Variants in CAMSAP3 observed in about 807,000 individuals in gnomAD.
The protein encoded by CAMSAP3 is calmodulin regulated spectrin associated protein family member 3, also known as calmodulin-regulated spectrin-associated protein 3.
A neutral mutation model predicts 112.5 loss-of-function variants in CAMSAP3; 34 were observed. That is an observed-to-expected ratio of 0.30 (90% confidence interval 0.23 to 0.40). The LOEUF (loss-of-function observed/expected upper bound fraction) is 0.40. CAMSAP3 is among the 10% of genes least tolerant of loss of function. The pLI is 1.00. For missense variants in CAMSAP3, 1,602 were observed against 1,770.3 expected (o/e 0.90, Z 1.71); for synonymous variants, 868 against 799.8 (o/e 1.09, Z -1.44).
chr19:7,595,898 G>GGCAGCGGCGGTAGCA lies in CAMSAP3; in HGVS notation c.-97_-83dup. On this transcript the variant is annotated 5_prime_UTR_variant, in exon 1 of 17. Coordinates refer to ENST00000160298, the MANE Select transcript of CAMSAP3 (RefSeq NM_020902.2). ...CAGCAGCGGCGGCGGCGGCGGCGGC[G>GGCAGCGGCGGTAGCA]GCAGCGGCGGTAGCAGCAGCGGGCC... The GGCAGCGGCGGTAGCA allele has an allele frequency of 2.3e-6, 1 of 433,754 alleles. No individual in the cohort carries two copies. The highest frequency in any genetic ancestry group is 3.0e-6 in the Non-Finnish European group (1 of 330,164). The allele number at this position is 433,754 out of a possible 1,614,324, so 26.9% of individuals were successfully genotyped here.
chr19:7,612,549 C>T lies in CAMSAP3; in HGVS notation c.2056C>T (p.Pro686Ser). 1 of 1,536,256 alleles carries T rather than the reference C, an allele frequency of 6.5e-7. No individual in the cohort carries two copies. Among genetic ancestry groups the T allele is most frequent in the Non-Finnish European group, 8.7e-7 (1 of 1,145,616 alleles). Residue 686 changes from proline (P) to serine (S), a missense_variant, in exon 11 of 17, where the codon CCA becomes TCA. By Grantham distance (74) the Pro-to-Ser change is moderately conservative. Around this residue, in one of 6 missense-constraint regions of CAMSAP3, gnomAD observed 1,100 missense variants for 1,135.7 expected, o/e 0.97. Coordinates refer to ENST00000160298, the MANE Select transcript of CAMSAP3 (RefSeq NM_020902.2). ...TSRPKAVTFSPDLGPVPHEGL... is the reference protein window; with the variant it reads ...TSRPKAVTFSSDLGPVPHEGL... ...ACGGCCCAAGGCAGTGACCTTCTCG[C>T]CAGACCTGGGCCCGGTGCCCCACGA...
intron 1 of CAMSAP3, among the ~76,000 whole-genome samples, chr19:7,598,069 G>A (rs1215525621): frequency 6.6e-6 from 1 of 152,174 alleles, no homozygotes; most frequent in Non-Finnish European, 1.5e-5. Context: ...GCTGGGCTGG[G>A]CGCTCAGGGT....
intron 1 of CAMSAP3, among the ~76,000 whole-genome samples, chr19:7,597,503 A>G (rs1251672067): frequency 6.6e-6 from 1 of 152,156 alleles, no homozygotes; most frequent in East Asian, 1.9e-4. Context: ...TTCCCCTTCT[A>G]TAAAAGAAGG....
chr19:7,605,834 C>T (rs2030186572), intron 2 of CAMSAP3, among the ~76,000 whole-genome samples: 1 of 150,978 alleles, frequency 6.6e-6, no homozygotes, highest in Non-Finnish European at 1.5e-5. Flanking sequence ...GTCCCTTAAG[C>T]TCTGTCCATC....
intron 11 of CAMSAP3, among the ~76,000 whole-genome samples, chr19:7,614,259 C>CAA (rs1173068955): frequency 0.13 from 2,396 of 18,794 alleles, 380 homozygotes; most frequent in Non-Finnish European, 0.16. Flanking sequence ...GACTCCATCT[C>CAA]AAAAAAAAAA....
rs1223949265 is a variant in CAMSAP3 at position 7,611,326 on chromosome 19, G to A, written c.1123+158G>A. On this transcript the variant is annotated intron_variant, in intron 9 of 16. Coordinates refer to ENST00000160298, the MANE Select transcript of CAMSAP3 (RefSeq NM_020902.2). This position sits in a 1 kb window ranked among gnomAD's most constrained non-coding sequence, Gnocchi z 6.9. Reference sequence around the variant, plus strand: ...GACCCCCAGAATGGCCTCCCCAGTGGCCCCACAGTACCCCGTAGTGACAGT... The same window carrying A: ...GACCCCCAGAATGGCCTCCCCAGTGACCCCACAGTACCCCGTAGTGACAGT... 6.6e-6 allele frequency among the ~76,000 whole-genome samples: 1 copy of A among 152,146 alleles called. No homozygotes were observed. The highest frequency in any genetic ancestry group is 2.4e-5 in the African/African-American group (1 of 41,434).
chr19:7,612,679 C>T lies in CAMSAP3; in HGVS notation c.2186C>T (p.Ala729Val). The T allele has an allele frequency of 6.6e-7, 1 of 1,512,130 alleles. No individual in the cohort carries two copies. Among genetic ancestry groups the T allele is most frequent in the Non-Finnish European group, 8.8e-7 (1 of 1,132,554 alleles). 93.7% of individuals were successfully genotyped at this position (1,512,130 alleles called of 1,614,324 possible). ...RLTDQQQRLL[A>V]PPEAPGSAPP... ...ACGGACCAGCAGCAGCGGCTCCTGG[C>T]CCCGCCCGAGGCCCCCGGATCCGCC... The change falls in exon 11 of 17, where the codon GCC (alanine) becomes GTC (valine). Residue 729 changes from alanine (A) to valine (V), a missense_variant. Around this residue, in one of 6 missense-constraint regions of CAMSAP3, gnomAD observed 1,100 missense variants for 1,135.7 expected, o/e 0.97. Transcript: ENST00000160298.
intron 1 of CAMSAP3, among the ~76,000 whole-genome samples, chr19:7,602,415 G>A (rs1328052025): frequency 6.6e-6 from 1 of 152,146 alleles, no homozygotes; most frequent in South Asian, 2.1e-4. Context: ...CATCTTAAAG[G>A]CCCTGAAAAG....
rs534425335 is a variant in CAMSAP3, at chr19:7,610,418, C to T, written c.761-58C>T. 105 of 1,541,778 alleles carry T rather than the reference C, an allele frequency of 6.8e-5. No individual in the cohort carries two copies. Among genetic ancestry groups the T allele is most frequent in the Admixed American group, 1.1e-4 (6 of 52,974 alleles). Reference sequence around the variant, plus strand: ...TGGGGGACTGCTGGTCCCTGGCTTCCCTGGGGCCCCATCCTCCTCCTCATA... The same window carrying T: ...TGGGGGACTGCTGGTCCCTGGCTTCTCTGGGGCCCCATCCTCCTCCTCATA... On this transcript the variant is annotated intron_variant, in intron 5 of 16. Transcript: ENST00000160298. This position sits in a 1 kb window ranked among gnomAD's most constrained non-coding sequence, Gnocchi z 4.9.
intron 5 of CAMSAP3, among the ~76,000 whole-genome samples, chr19:7,609,295 G>T (rs192426260): frequency 6.8e-6 from 1 of 146,448 alleles, no homozygotes; most frequent in East Asian, 2.0e-4. Flanking sequence ...TCTAGCCTGG[G>T]CAACAGAGCG....
At position 7,606,502 on chromosome 19, in the gene CAMSAP3, C is replaced by A; in HGVS notation, c.552C>A (p.Thr184=). ...CCGTCCGGCGGCTGCAGGAGAAGAC[C>A]GAGCAGGAAGCGGCCCAGCGAGCCT... ...DTTVRRLQEK[T]EQEAAQRASP... The change falls in exon 4 of 17, where the codon ACC becomes ACA. Residue 184 remains threonine (T), a synonymous_variant. Coordinates refer to ENST00000160298, the MANE Select transcript of CAMSAP3 (RefSeq NM_020902.2). 1 of 1,569,920 alleles carries A rather than the reference C, an allele frequency of 6.4e-7. No homozygotes were observed. The highest frequency in any genetic ancestry group is 8.6e-7 in the Non-Finnish European group (1 of 1,165,906).
In CAMSAP3 at chr19:7,605,216, G is replaced by A; in HGVS notation, c.149-10G>A. 1 of 1,488,874 alleles carries A rather than the reference G, an allele frequency of 6.7e-7. No homozygotes were observed. Among genetic ancestry groups the A allele is most frequent in the Non-Finnish European group, 9.0e-7 (1 of 1,113,528 alleles). The allele number at this position is 1,488,874 out of a possible 1,614,324, so 92.2% of individuals were successfully genotyped here. A position where few individuals can be genotyped will look rare whatever the true frequency, so the allele number is the denominator to read the frequency against. ...CCTGACCCCCGTGTTTCCCCTCTAT[G>A]CCCCCACAGAGCACGTGCCCCCGGA... is the stretch of plus-strand genomic sequence containing the variant. On this transcript the variant is annotated splice_polypyrimidine_tract_variant and intron_variant, in intron 1 of 16. Coordinates refer to ENST00000160298, the MANE Select transcript of CAMSAP3 (RefSeq NM_020902.2).
rs1478983482 is a variant in CAMSAP3 at position 7,615,939 on chromosome 19, C to T, written c.3112+220C>T. On this transcript the variant is annotated intron_variant, in intron 13 of 16. Coordinates refer to ENST00000160298, the MANE Select transcript of CAMSAP3 (RefSeq NM_020902.2). This position sits in a 1 kb window ranked among gnomAD's most constrained non-coding sequence, Gnocchi z 6.5. ...GCGCGGTGGCTCACGCCTGTAATCC[C>T]AGCACTTTGGGAGGCTGAGGCGGGC... 2.0e-5 allele frequency among the ~76,000 whole-genome samples: 3 copies of T among 152,156 alleles called. No individual in the cohort carries two copies. Among genetic ancestry groups the T allele is most frequent in the Admixed American group, 6.5e-5 (1 of 15,288 alleles).
Position 7,615,220 on chromosome 19 carries a change from G to A in CAMSAP3, c.2708G>A (p.Arg903Gln), listed in dbSNP as rs2030712835. The A allele has an allele frequency of 1.0e-5, 16 of 1,552,608 alleles. No homozygotes were observed. Among genetic ancestry groups the A allele is most frequent in the Admixed American group, 1.9e-5 (1 of 51,304 alleles). Reference protein sequence around the residue: ...DKPEDEMAQKRASLLERQQRR... With the variant: ...DKPEDEMAQKQASLLERQQRR... Reference sequence around the variant, plus strand: ...CCTGAGGACGAGATGGCCCAAAAGCGGGCCAGCCTGCTGGAGCGGCAGCAG... The same window carrying A: ...CCTGAGGACGAGATGGCCCAAAAGCAGGCCAGCCTGCTGGAGCGGCAGCAG... The change falls in exon 12 of 17, where the codon CGG becomes CAG. Residue 903 changes from arginine to glutamine, a missense_variant. Physicochemically the swap from Arg to Gln is conservative, Grantham distance 43 (BLOSUM62 1). Coordinates refer to ENST00000160298, the MANE Select transcript of CAMSAP3 (RefSeq NM_020902.2). This position sits in a 1 kb window ranked among gnomAD's most constrained non-coding sequence, Gnocchi z 6.5.
At position 7,610,129 on chromosome 19, in the gene CAMSAP3, T is replaced by C. The variant is rs545925212; in HGVS notation, c.761-347T>C. ...GTCAGGAGATCGAGACCATCCTGGC[T>C]AACACGGTGAAACCCCATCTCTACT... On this transcript the variant is annotated intron_variant, in intron 5 of 16. Coordinates refer to ENST00000160298, the MANE Select transcript of CAMSAP3 (RefSeq NM_020902.2). The surrounding 1 kb of genome is among the most constrained non-coding windows in gnomAD (Gnocchi z 4.9). 1.6e-4 allele frequency among the ~76,000 whole-genome samples: 25 copies of C among 152,086 alleles called. No homozygotes were observed. The South Asian group carries it at 4.2e-3, about 25-fold the overall frequency.
In CAMSAP3 at chr19:7,617,899, G is replaced by A. The variant is rs376891578; in HGVS notation, c.3592G>A (p.Val1198Met). ...GCCCCGGACCGTCACGCCCGCCATG[G>A]TGGAAGGCATCTACAAGTACAACTC... is the stretch of plus-strand genomic sequence containing the variant. ...YGPRTVTPAM[V>M]EGIYKYNSDR... Residue 1198 changes from valine to methionine, a missense_variant, in exon 17 of 17, where the codon GTG becomes ATG. Val to Met is a conservative substitution (Grantham distance 21). Around this residue, in one of 6 missense-constraint regions of CAMSAP3, gnomAD observed 150 missense variants for 207.6 expected, o/e 0.72. Transcript: ENST00000160298. The surrounding 1 kb of genome is among the most constrained non-coding windows in gnomAD (Gnocchi z 7.5). The A allele has an allele frequency of 4.3e-6, 7 of 1,613,910 alleles. No homozygotes were observed. In the African/African-American group the frequency reaches 9.3e-5, roughly 22 times the overall value.
chr19:7,614,966 C>G (rs1440324306), intron 11 of CAMSAP3: 1 of 612,332 alleles, frequency 1.6e-6, no homozygotes, highest in Non-Finnish European at 2.9e-6. Flanking sequence ...TTGGGTTAAG[C>G]AGTGTGTGTG....
chr19:7,613,029 A>G lies in CAMSAP3; in HGVS notation c.2536A>G (p.Ile846Val), dbSNP rs2030592091. The stretch of plus-strand genomic sequence containing the variant: ...AGCCGCCCGGCCGGGCCTCATCGAG[A>G]TCCCGCTGGGCAGCCTGGCAGATCC... ...EPAARPGLIE[I>V]PLGSLADPAA... Residue 846 changes from isoleucine (I) to valine (V), a missense_variant, in exon 11 of 17, where the codon ATC becomes GTC. Ile to Val is a conservative substitution (Grantham distance 29). Transcript: ENST00000160298. The G allele has an allele frequency of 1.5e-5, 23 of 1,555,404 alleles. No individual in the cohort carries two copies. Among genetic ancestry groups the G allele is most frequent in the Non-Finnish European group, 2.0e-5 (23 of 1,151,264 alleles).
chr19:7,606,058 A>C, intron 2 of CAMSAP3, among the ~76,000 whole-genome samples: 1 of 152,042 alleles, frequency 6.6e-6, no homozygotes, highest in Admixed American at 6.6e-5. Flanking sequence ...CTGACCTCAA[A>C]GTCCCACCCA....
Sources: allele counts gnomAD v4.1 joint callset (sites outside exome capture counted in the v4.1 genomes callset), GRCh38; gene constraint gnomAD v4.1.1; regional missense constraint gnomAD v4.1.1; non-coding constraint Gnocchi (gnomAD v3.1); transcripts MANE v1.5; gene names NCBI Gene and HGNC (gene_info 2026-07-23, HGNC 2026-07-21).